Variants in CCDC148 observed in about 807,000 individuals in gnomAD.
CCDC148 encodes coiled-coil domain-containing protein 148.
Under a neutral mutation model 85.7 loss-of-function variants are expected in CCDC148, and 89 were observed. The ratio of observed to expected loss-of-function variants is 1.04; its 90% CI spans 0.87 to 1.24. The LOEUF (loss-of-function observed/expected upper bound fraction) is 1.24, where lower values mean the gene tolerates loss of function less well. Ranked by LOEUF, CCDC148 falls within the 50% of genes most tolerant of loss-of-function variation. CCDC148 has a pLI of 0.00. For synonymous variants in CCDC148, 230 were observed against 213.9 expected (o/e 1.08, Z -0.66); for missense variants, 692 against 671.7 (o/e 1.03, Z -0.33).
At chr2:158,221,803 A>C (rs1417086076) in intron 10 of CCDC148, among the ~76,000 whole-genome samples, 2 of 152,184 alleles carry the variant, frequency 1.3e-5, no homozygotes, top group African/African-American at 4.8e-5. Flanking sequence ...CCCAATGTGC[A>C]GTGATATCCA....
At chr2:158,244,243 T>C (rs1033124735) in intron 10 of CCDC148, among the ~76,000 whole-genome samples, 5 of 152,208 alleles carry the variant, frequency 3.3e-5, no homozygotes, top group African/African-American at 1.2e-4. Context: ...CACTTCCAGA[T>C]ACTAAAATCT....
chr2:158,320,208 T>G (rs1692459807), intron 7 of CCDC148, among the ~76,000 whole-genome samples: 1 of 152,164 alleles, frequency 6.6e-6, no homozygotes, highest in Non-Finnish European at 1.5e-5. Flanking sequence ...AATTGCCACA[T>G]AAAATGTCAT....
intron 9 of CCDC148, among the ~76,000 whole-genome samples, chr2:158,308,394 A>T (rs1057315711): frequency 1.3e-5 from 2 of 152,224 alleles, no homozygotes; most frequent in Admixed American, 6.5e-5. Context: ...CCTGCAGCCC[A>T]TGATAGACCA....
chr2:158,438,765 C>A (rs1405493916), intron 1 of CCDC148, among the ~76,000 whole-genome samples: 7 of 152,054 alleles, frequency 4.6e-5, no homozygotes, highest in Admixed American at 1.3e-4. Context: ...CAATGAACTC[C>A]AACAAATTTA....
chr2:158,225,582 G>T (rs1402210803), intron 10 of CCDC148, among the ~76,000 whole-genome samples: 1 of 152,188 alleles, frequency 6.6e-6, no homozygotes, highest in East Asian at 1.9e-4. Flanking sequence ...AAATGTAAAA[G>T]AATAGAAATT....
intron 7 of CCDC148, among the ~76,000 whole-genome samples, chr2:158,337,167 AT>A (rs1682432843): frequency 6.6e-6 from 1 of 152,188 alleles, no homozygotes; most frequent in African/African-American, 2.4e-5. Flanking sequence ...GAAGAAAGCC[AT>A]TTTAGACTGC....
At position 158,256,052 on chromosome 2, in the gene CCDC148, C is replaced by T. The variant is rs903135179; in HGVS notation, c.1111-5140G>A. 1.8e-4 allele frequency among the ~76,000 whole-genome samples: 27 copies of T among 151,824 alleles called. No individual in the cohort carries two copies. In the Admixed American group the frequency reaches 1.8e-3, roughly 10 times the overall value. ...GTGGTTCAACTGAAATTAATAAGCACACATTCTCAGAAAGAACAAAGTAAT... is the reference window on the plus strand; with the variant it reads ...GTGGTTCAACTGAAATTAATAAGCATACATTCTCAGAAAGAACAAAGTAAT... On this transcript the variant is annotated intron_variant, in intron 9 of 13. Coordinates refer to ENST00000283233, the MANE Select transcript of CCDC148 (RefSeq NM_138803.4).
intron 1 of CCDC148, among the ~76,000 whole-genome samples, chr2:158,404,079 T>A (rs1246349328): frequency 2.0e-5 from 3 of 152,134 alleles, no homozygotes; most frequent in Admixed American, 2.0e-4. Context: ...TGTGCAGTAA[T>A]AAAAGAAATA....
intron 9 of CCDC148, among the ~76,000 whole-genome samples, chr2:158,299,393 C>G (rs925230891): frequency 6.6e-6 from 1 of 152,200 alleles, no homozygotes; most frequent in Non-Finnish European, 1.5e-5. Context: ...AGTCCTTCAT[C>G]TCTAGTATCC....
intron 10 of CCDC148, among the ~76,000 whole-genome samples, chr2:158,224,347 C>T (rs943389900): frequency 2.6e-5 from 4 of 152,106 alleles, no homozygotes; most frequent in Non-Finnish European, 4.4e-5. Context: ...GATTGGTGTA[C>T]CTGAAAGTGA....
chr2:158,225,366 A>G (rs1369692353), intron 10 of CCDC148, among the ~76,000 whole-genome samples: 2 of 152,170 alleles, frequency 1.3e-5, no homozygotes, highest in Non-Finnish European at 2.9e-5. Context: ...AGAGACTTAA[A>G]CACTCCACTG....
chr2:158,308,697 C>A (rs534806725), intron 9 of CCDC148, among the ~76,000 whole-genome samples: 124 of 152,294 alleles, frequency 8.1e-4, no homozygotes, highest in African/African-American at 2.8e-3. Context: ...TGGCCCTGGC[C>A]AACACTCCTG....
chr2:158,191,834 G>C (rs967607123), intron 11 of CCDC148, among the ~76,000 whole-genome samples: 6 of 151,918 alleles, frequency 3.9e-5, no homozygotes, highest in Admixed American at 6.6e-5. Flanking sequence ...CTACAAAGCA[G>C]TTCACCCTAG....
chr2:158,420,119 G>A (rs1369917156), intron 1 of CCDC148: 4 of 152,088 alleles, frequency 2.6e-5, no homozygotes, highest in African/African-American at 4.8e-5. Flanking sequence ...TGTATTGGAG[G>A]TTTGAGCTGG....
chr2:158,186,964 C>G (rs1472668420), intron 11 of CCDC148, among the ~76,000 whole-genome samples: 1 of 152,006 alleles, frequency 6.6e-6, no homozygotes, highest in Non-Finnish European at 1.5e-5. Flanking sequence ...CTGCCAATAT[C>G]CAACTCTAAT....
At chr2:158,277,281 G>C (rs1354215640) in intron 9 of CCDC148, among the ~76,000 whole-genome samples, 1 of 152,156 alleles carries the variant, frequency 6.6e-6, no homozygotes, top group Non-Finnish European at 1.5e-5. Flanking sequence ...TCACAGCAGG[G>C]TTGGCTATTT....
At chr2:158,257,808 T>C (rs1689070295) in intron 9 of CCDC148, among the ~76,000 whole-genome samples, 1 of 151,382 alleles carries the variant, frequency 6.6e-6, no homozygotes, top group Non-Finnish European at 1.5e-5. Flanking sequence ...TCCTGGAGGG[T>C]CTAACCTTAG....
chr2:158,230,993 G>T (rs1359720438), intron 10 of CCDC148, among the ~76,000 whole-genome samples: 1 of 152,136 alleles, frequency 6.6e-6, no homozygotes, highest in Non-Finnish European at 1.5e-5. Context: ...GGAAAAGGAA[G>T]AAAATTGGGA....
At chr2:158,322,798 G>A (rs1305622655) in intron 7 of CCDC148, among the ~76,000 whole-genome samples, 3 of 151,958 alleles carry the variant, frequency 2.0e-5, no homozygotes, top group African/African-American at 7.2e-5. Context: ...ATCATTGTGG[G>A]TTTTAAATAG....
Sources: allele counts gnomAD v4.1 joint callset (sites outside exome capture counted in the v4.1 genomes callset), GRCh38; gene constraint gnomAD v4.1.1; transcripts MANE v1.5; gene names NCBI Gene and HGNC (gene_info 2026-07-23, HGNC 2026-07-21).